BTBD9: variants seen among roughly 807,000 people sequenced by gnomAD.
The protein encoded by BTBD9 is BTB domain containing 9, also known as BTB/POZ domain-containing protein 9.
BTBD9 carries 49 observed loss-of-function variants against 64.3 expected under a neutral mutation model. That is an observed-to-expected ratio of 0.76 (90% CI 0.61 to 0.97). The LOEUF (loss-of-function observed/expected upper bound fraction) is 0.97. Among genes scored for constraint, BTBD9 ranks in the 50% least tolerant of loss-of-function variants. The pLI is 0.00. For missense variants in BTBD9, 598 were observed against 762.1 expected, an observed-to-expected ratio of 0.78 and a Z score of 2.53; for synonymous variants, 260 against 274.7, an observed-to-expected ratio of 0.95 and a Z score of 0.53.
In BTBD9 at chr6:38,322,994, A is replaced by G. The variant is rs187384970; in HGVS notation, c.1264+21990T>C. On this transcript the variant is annotated intron_variant, in intron 7 of 10. Transcript: ENST00000481247. ...ACTAATATGGTTTAAAGTAATATGT[A>G]CTCAGAAGAAGGGGAGATGTCTGAA... Among the ~76,000 whole-genome samples, 432 of 152,330 alleles carry G rather than the reference A, an allele frequency of 2.8e-3. 3 individuals are homozygous for G. The highest frequency in any genetic ancestry group is 0.01 in the African/African-American group (422 of 41,574).
intron 6 of BTBD9, among the ~76,000 whole-genome samples, chr6:38,521,625 A>G (rs1216741297): frequency 6.6e-6 from 1 of 152,152 alleles, no homozygotes; most frequent in Non-Finnish European, 1.5e-5. Context: ...CTTACCTGTA[A>G]CACAATTTAA....
chr6:38,297,607 TCTA>T (rs1457933030), intron 7 of BTBD9, among the ~76,000 whole-genome samples: 2 of 152,182 alleles, frequency 1.3e-5, no homozygotes, highest in Non-Finnish European at 2.9e-5. Flanking sequence ...CTTTACATTG[TCTA>T]CTATTTCCTT....
At chr6:38,496,976 G>C (rs1771988833) in intron 6 of BTBD9, among the ~76,000 whole-genome samples, 1 of 152,162 alleles carries the variant, frequency 6.6e-6, no homozygotes, top group Non-Finnish European at 1.5e-5. Flanking sequence ...CCACCCTGAA[G>C]GTGAAAACTT....
intron 4 of BTBD9, chr6:38,588,017 C>T: frequency 1.4e-6 from 1 of 739,966 alleles, no homozygotes; most frequent in South Asian, 1.4e-5. Flanking sequence ...ACAGCAACCA[C>T]CATATACAGA....
At chr6:38,453,364 T>C (rs2127339241) in intron 6 of BTBD9, among the ~76,000 whole-genome samples, 1 of 152,340 alleles carries the variant, frequency 6.6e-6, no homozygotes, top group Admixed American at 6.5e-5. Flanking sequence ...AATGGCTTTC[T>C]GGGAAACCTC....
At chr6:38,461,647 G>C (rs1475258652) in intron 6 of BTBD9, among the ~76,000 whole-genome samples, 2 of 152,154 alleles carry the variant, frequency 1.3e-5, no homozygotes, top group East Asian at 3.8e-4. Context: ...CTTTGTATGG[G>C]TATATGCTTT....
intron 4 of BTBD9, among the ~76,000 whole-genome samples, chr6:38,591,787 T>C (rs1161169935): frequency 6.6e-6 from 1 of 152,192 alleles, no homozygotes; most frequent in Non-Finnish European, 1.5e-5. Context: ...TATAAATCCA[T>C]TAATAAGAAA....
intron 9 of BTBD9, among the ~76,000 whole-genome samples, chr6:38,210,226 C>T (rs922875360): frequency 3.3e-5 from 5 of 152,048 alleles, no homozygotes; most frequent in Non-Finnish European, 7.3e-5. Context: ...CCTGCTAGCC[C>T]GTCATATTTA....
At chr6:38,396,574 C>T (rs184992917) in intron 6 of BTBD9, among the ~76,000 whole-genome samples, 4 of 152,312 alleles carry the variant, frequency 2.6e-5, no homozygotes, top group Admixed American at 2.6e-4. Context: ...TTTCCTTTAT[C>T]CTTTACCCTT....
chr6:38,551,962 T>C (rs761094840), intron 6 of BTBD9, among the ~76,000 whole-genome samples: 2 of 152,188 alleles, frequency 1.3e-5, no homozygotes, highest in African/African-American at 2.4e-5. Context: ...TATTAGGGAT[T>C]TTAAGAGTGT....
intron 6 of BTBD9, among the ~76,000 whole-genome samples, chr6:38,384,498 T>A (rs1452403531): frequency 6.6e-6 from 1 of 152,178 alleles, no homozygotes; most frequent in African/African-American, 2.4e-5. Context: ...AACAAAAGCC[T>A]GCTTAGTTCA....
intron 6 of BTBD9, among the ~76,000 whole-genome samples, chr6:38,520,457 T>A (rs1206754352): frequency 6.6e-6 from 1 of 152,054 alleles, no homozygotes; most frequent in African/African-American, 2.4e-5. Context: ...CAAGACTCCA[T>A]CTCAAAACAA....
intron 6 of BTBD9, 30 bp from the exon 7 acceptor site, chr6:38,345,123 G>T (rs765379014): frequency 1.4e-6 from 2 of 1,439,916 alleles, no homozygotes; most frequent in Non-Finnish European, 1.9e-6. Flanking sequence ...AAAATGTGTT[G>T]AAAATGAGCT....
chr6:38,280,006 CAT>C (rs1444234030), intron 8 of BTBD9, among the ~76,000 whole-genome samples: 1 of 151,050 alleles, frequency 6.6e-6, no homozygotes, highest in African/African-American at 2.4e-5. Flanking sequence ...AACACACAAA[CAT>C]ATTTTTTTTT....
chr6:38,312,261 T>G (rs1401821154), intron 7 of BTBD9, among the ~76,000 whole-genome samples: 3 of 152,226 alleles, frequency 2.0e-5, no homozygotes, highest in Non-Finnish European at 4.4e-5. Flanking sequence ...ATTATTTGAT[T>G]GTTTTCCCTA....
At chr6:38,528,461 C>T (rs1405753124) in intron 6 of BTBD9, among the ~76,000 whole-genome samples, 1 of 152,126 alleles carries the variant, frequency 6.6e-6, no homozygotes, top group African/African-American at 2.4e-5. Context: ...CACGGAAATG[C>T]TTGCAACACC....
chr6:38,369,428 GC>G (rs1225022304), intron 6 of BTBD9, among the ~76,000 whole-genome samples: 2 of 151,980 alleles, frequency 1.3e-5, no homozygotes, highest in African/African-American at 4.8e-5. Flanking sequence ...TTCTTTTCAT[GC>G]CATCCCCCTC....
rs1005182124 is a variant in BTBD9 at position 38,173,497 on chromosome 6, G to C, written c.*1488C>G. ...CTGCCATCCTGTGTTCACACGGAAA[G>C]ACAGTCTTCCAATTTAATCACGCAG... On this transcript the variant is annotated 3_prime_UTR_variant, in exon 11 of 11. Transcript: ENST00000481247. 6.6e-6 allele frequency: 1 copy of C among 152,280 alleles called. No individual in the cohort carries two copies. The highest frequency in any genetic ancestry group is 2.4e-5 in the African/African-American group (1 of 41,458). 9.4% of individuals were successfully genotyped at this position (152,280 alleles called of 1,614,324 possible). A position where few individuals can be genotyped will look rare whatever the true frequency, so the allele number is the denominator to read the frequency against.
intron 6 of BTBD9, among the ~76,000 whole-genome samples, chr6:38,569,566 G>C (rs1158838576): frequency 3.9e-5 from 6 of 152,096 alleles, no homozygotes; most frequent in Non-Finnish European, 1.5e-5. Flanking sequence ...ATCATCTCAT[G>C]CAATAAGCTT....
Sources: gnomAD v4.1 joint callset for allele counts (sites outside exome capture counted in the v4.1 genomes callset) on GRCh38, gnomAD v4.1.1 for gene constraint, MANE v1.5 for transcripts, NCBI Gene and HGNC (gene_info 2026-07-23, HGNC 2026-07-21) for gene names.